The following C2CD3 variants were observed in gnomAD, a reference collection of about 807,000 sequenced individuals.
The protein encoded by C2CD3 is C2 domain containing 3 centriole elongation regulator, also known as C2 domain-containing protein 3.
In C2CD3, 148 loss-of-function variants were observed where a neutral mutation model predicts 234.0. That is an observed-to-expected ratio of 0.63 (90% confidence interval 0.55 to 0.72). The LOEUF is 0.72. Ranked by LOEUF, C2CD3 falls within the 30% of genes least tolerant of loss-of-function variation. The pLI is 0.00. For missense variants in C2CD3, 2,577 were observed against 2,811.5 expected, an observed-to-expected ratio of 0.92 and a Z score of 1.89; for synonymous variants, 1,000 against 1,035.4, an observed-to-expected ratio of 0.97 and a Z score of 0.66.
chr11:74,116,846 G>C (rs140034054), intron 9 of C2CD3, among the ~76,000 whole-genome samples: 1 of 136,620 alleles, frequency 7.3e-6, no homozygotes, highest in Non-Finnish European at 1.6e-5. Flanking sequence ...ATATATACAC[G>C]TGTATATGTG....
At position 74,073,741 on chromosome 11, in the gene C2CD3, T is replaced by TA. The variant is rs528392974; in HGVS notation, c.4951+511dup. On this transcript the variant is annotated intron_variant, in intron 24 of 32. Coordinates refer to ENST00000334126, the MANE Select transcript of C2CD3 (RefSeq NM_001286577.2). ...TTTCTATTGTTGACAATATCACAGG[T>TA]ACTATTACTAGGATCTACTGCCTAT... is the stretch of plus-strand genomic sequence containing the variant. 1.6e-4 allele frequency among the ~76,000 whole-genome samples: 25 copies of TA among 152,324 alleles called. No individual in the cohort carries two copies. The East Asian group carries it at 4.8e-3, about 29-fold the overall frequency.
rs777887968 is a variant in C2CD3, at chr11:74,160,077, T to C, written c.483+1322A>G. The stretch of plus-strand genomic sequence containing the variant: ...TACAACAGTATTCAGTATAGTAACA[T>C]GCTATATAGGTTTGTACCCTAGGAG... On this transcript the variant is annotated intron_variant, in intron 3 of 32. Coordinates refer to ENST00000334126, the MANE Select transcript of C2CD3 (RefSeq NM_001286577.2). Among the ~76,000 whole-genome samples the C allele has an allele frequency of 7.9e-5, 12 of 152,208 alleles. 1 individual carries two copies. Among genetic ancestry groups the C allele is most frequent in the Non-Finnish European group, 4.4e-5 (3 of 68,030 alleles).
At chr11:74,082,429 C>T (rs1955424403) in intron 22 of C2CD3, among the ~76,000 whole-genome samples, 1 of 152,050 alleles carries the variant, frequency 6.6e-6, no homozygotes, top group African/African-American at 2.4e-5. Flanking sequence ...GTGGGTTTAT[C>T]ATAAATAGCT....
chr11:74,048,904 G>C (rs1057121979), intron 27 of C2CD3, among the ~76,000 whole-genome samples: 1 of 152,058 alleles, frequency 6.6e-6, no homozygotes, highest in Admixed American at 6.5e-5. Context: ...TTCTTTTACA[G>C]TTAAACTCCT....
At position 74,064,653 on chromosome 11, in the gene C2CD3, A is replaced by G. The variant is rs967923410; in HGVS notation, c.4952-7109T>C. On this transcript the variant is annotated intron_variant, in intron 24 of 32. Transcript: ENST00000334126. ...AAAAGAACAAAGCTGGAGGCATCAC[A>G]CTACCTGACTTCAAATTATACTACA... Among the ~76,000 whole-genome samples, 105 of 152,318 alleles carry G rather than the reference A, an allele frequency of 6.9e-4. 2 individuals are homozygous for G. The highest frequency in any genetic ancestry group is 7.8e-4 in the Non-Finnish European group (53 of 68,024).
chr11:74,116,474 AAAG>A, intron 9 of C2CD3, among the ~76,000 whole-genome samples: 1 of 152,212 alleles, frequency 6.6e-6, no homozygotes, highest in East Asian at 1.9e-4. Flanking sequence ...TTAAAAAAAA[AAAG>A]AATGTTGGTG....
At chr11:74,035,470 A>C (rs1388053728) in intron 30 of C2CD3, among the ~76,000 whole-genome samples, 2 of 152,220 alleles carry the variant, frequency 1.3e-5, no homozygotes, top group Non-Finnish European at 2.9e-5. Flanking sequence ...GCACTTAAGA[A>C]TATGACACTG....
At chr11:74,024,544 G>C (rs1008977704) in intron 32 of C2CD3, among the ~76,000 whole-genome samples, 1 of 152,130 alleles carries the variant, frequency 6.6e-6, no homozygotes, top group African/African-American at 2.4e-5. Flanking sequence ...TTTAATAAAG[G>C]CCACAAGATG....
chr11:74,021,507 AG>A (rs1304913804), intron 32 of C2CD3, among the ~76,000 whole-genome samples: 1 of 152,162 alleles, frequency 6.6e-6, no homozygotes, highest in African/African-American at 2.4e-5. Flanking sequence ...AAGAAGAAGT[AG>A]GGGAAATGAG....
intron 9 of C2CD3, among the ~76,000 whole-genome samples, chr11:74,117,046 GTGTATATATATATGAA>G (rs1324671320): frequency 2.4e-5 from 1 of 42,466 alleles, no homozygotes; most frequent in African/African-American, 7.8e-5. Context: ...ATACGTGTGT[GTGTATATATATATGAA>G]TATATATATA....
At chr11:74,031,863 G>A (rs1952533020) in intron 31 of C2CD3, among the ~76,000 whole-genome samples, 1 of 152,216 alleles carries the variant, frequency 6.6e-6, no homozygotes, top group Non-Finnish European at 1.5e-5. Context: ...GGCAAGGCCA[G>A]GGAGAACTGC....
At chr11:74,135,008 C>G (rs1157371035) in intron 5 of C2CD3, among the ~76,000 whole-genome samples, 2 of 152,042 alleles carry the variant, frequency 1.3e-5, no homozygotes, top group African/African-American at 2.4e-5. Context: ...ATCAAAACAT[C>G]TAATATTTGT....
intron 29 of C2CD3, among the ~76,000 whole-genome samples, chr11:74,040,245 G>A (rs530145574): frequency 6.6e-6 from 1 of 152,230 alleles, no homozygotes; most frequent in South Asian, 2.1e-4. Flanking sequence ...CCTGATGATG[G>A]GAGGTGGAAC....
chr11:74,074,312 A>C lies in C2CD3; in HGVS notation c.4892T>G (p.Leu1631Trp). The change falls in exon 24 of 33, where the codon TTG becomes TGG. Residue 1631 changes from leucine to tryptophan, a missense_variant. Physicochemically the swap from Leu to Trp is moderately conservative, Grantham distance 61. Transcript: ENST00000334126. ...GATGCTGACTGCAAACGTTCCATCC[A>C]AATCAGCAGGGCCCTCCTGCGTCAG... is the stretch of plus-strand genomic sequence containing the variant. ...VRLTQEGPAD[L>W]DGTFAVSILV... The C allele has an allele frequency of 6.2e-7, 1 of 1,614,236 alleles. No individual in the cohort carries two copies. Among genetic ancestry groups the C allele is most frequent in the South Asian group, 1.1e-5 (1 of 91,084 alleles).
Position 74,126,829 on chromosome 11 carries a change from C to T in C2CD3, c.1218-3694G>A, listed in dbSNP as rs114686745. Among the ~76,000 whole-genome samples, 400 of 152,200 alleles carry T rather than the reference C, an allele frequency of 2.6e-3. 3 individuals carry two copies. Among genetic ancestry groups the T allele is most frequent in the African/African-American group, 8.4e-3 (350 of 41,524 alleles). ...GTTCATAAATGTGACCAACCATCAC[C>T]ACTCAATTTTAAAACATTTTCATCA... On this transcript the variant is annotated intron_variant, in intron 7 of 32. Coordinates refer to ENST00000334126, the MANE Select transcript of C2CD3 (RefSeq NM_001286577.2).
chr11:74,078,581 C>T lies in C2CD3; in HGVS notation c.4137G>A (p.Leu1379=). ...FTHRGDRERV[L]EAAEHLGWSF... The stretch of plus-strand genomic sequence containing the variant: ...TCCAGCCCAAATGCTCAGCAGCTTC[C>T]AACACCCGTTCTCTATCTCCACGAT... Residue 1379 remains leucine, a synonymous_variant, in exon 23 of 33, where the codon TTG becomes TTA. Transcript: ENST00000334126. 1.2e-6 allele frequency: 2 copies of T among 1,614,134 alleles called. No individual in the cohort carries two copies. Among genetic ancestry groups the T allele is most frequent in the Non-Finnish European group, 1.7e-6 (2 of 1,180,020 alleles).
chr11:74,139,921 TTCCCTACA>T (rs1957994846), intron 3 of C2CD3, 93 bp from the exon 4 acceptor site: 1 of 662,952 alleles, frequency 1.5e-6, no homozygotes, highest in African/African-American at 2.7e-5. Flanking sequence ...ATGTCCCCCA[TTCCCTACA>T]GGATTGTAAG....
At chr11:74,013,574 C>G in intron 32 of C2CD3, 49 bp from the exon 33 acceptor site, 2 of 1,120,520 alleles carry the variant, frequency 1.8e-6, no homozygotes, top group South Asian at 5.9e-5. Flanking sequence ...ATGGCACCAC[C>G]AATGGATGAC....
chr11:74,025,744 G>T (rs946048089), intron 32 of C2CD3, among the ~76,000 whole-genome samples: 1 of 152,122 alleles, frequency 6.6e-6, no homozygotes, highest in Non-Finnish European at 1.5e-5. Flanking sequence ...AGCTAAGAGG[G>T]CCTGCTTTTT....
Sources: allele counts gnomAD v4.1 joint callset (sites outside exome capture counted in the v4.1 genomes callset), GRCh38; gene constraint gnomAD v4.1.1; transcripts MANE v1.5; gene names NCBI Gene and HGNC (gene_info 2026-07-23, HGNC 2026-07-21).